SNX14: variants seen among roughly 807,000 people sequenced by gnomAD.
SNX14 encodes sorting nexin 14, also known as sorting nexin-14.
A neutral mutation model predicts 133.8 loss-of-function variants in SNX14; 93 were observed. The observed-to-expected ratio is 0.70, with a 90% CI of 0.59 to 0.83. The LOEUF is 0.83. SNX14 is among the 40% of genes least tolerant of loss of function. The pLI is 0.00. For synonymous variants in SNX14, 368 were observed against 365.6 expected (o/e 1.01, Z -0.07); for missense variants, 945 against 1,094.9 (o/e 0.86, Z 1.93).
chr6:85,557,010 T>C (rs1176098758), intron 7 of SNX14, among the ~76,000 whole-genome samples: 2 of 152,146 alleles, frequency 1.3e-5, no homozygotes, highest in Non-Finnish European at 2.9e-5. Flanking sequence ...ATTTGGAACA[T>C]GATAGGTTAA....
intron 1 of SNX14, among the ~76,000 whole-genome samples, chr6:85,585,050 C>G (rs1370687700): frequency 6.6e-6 from 1 of 152,142 alleles, no homozygotes; most frequent in Non-Finnish European, 1.5e-5. Flanking sequence ...AAATACTAGG[C>G]AGCCATAAAA....
At chr6:85,553,693 G>T (rs1446313834) in intron 7 of SNX14, among the ~76,000 whole-genome samples, 2 of 152,088 alleles carry the variant, frequency 1.3e-5, no homozygotes, top group Non-Finnish European at 2.9e-5. Flanking sequence ...GGCTGAGGCA[G>T]GAGAATGGCG....
chr6:85,553,659 G>A (rs1219979448), intron 7 of SNX14, among the ~76,000 whole-genome samples: 2 of 152,024 alleles, frequency 1.3e-5, no homozygotes, highest in South Asian at 2.1e-4. Context: ...GATGGCAGGC[G>A]CCTGTAGTCC....
chr6:85,572,039 A>T, intron 4 of SNX14, 98 bp downstream of exon 4: 1 of 962,902 alleles, frequency 1.0e-6, no homozygotes, highest in African/African-American at 1.7e-5. Context: ...GACATGTATT[A>T]AGATGCTCCA....
rs540264411 is a variant in SNX14 at position 85,571,232 on chromosome 6, C to T, written c.417+905G>A. 1.7e-4 allele frequency among the ~76,000 whole-genome samples: 26 copies of T among 151,846 alleles called. No individual in the cohort carries two copies. The South Asian group carries it at 3.5e-3, about 21-fold the overall frequency. ...AAAATTAGGCGGGCGTGGTGGTGCA[C>T]GCCTGCAGTCCCAGCTACTCGGGAG... On this transcript the variant is annotated intron_variant, in intron 4 of 28. Coordinates refer to ENST00000314673, the MANE Select transcript of SNX14 (RefSeq NM_153816.6).
At chr6:85,537,074 G>T in intron 16 of SNX14, 150 bp from the exon 17 acceptor site, 1 of 675,590 alleles carries the variant, frequency 1.5e-6, no homozygotes. Context: ...TTCATACACG[G>T]ATTAAGTATC....
chr6:85,510,266 G>A (rs530008743), intron 26 of SNX14, among the ~76,000 whole-genome samples: 16 of 152,290 alleles, frequency 1.1e-4, no homozygotes, highest in Admixed American at 6.5e-4. Context: ...AGCAATGAAT[G>A]AGAATTCCAC....
At chr6:85,522,867 T>C (rs1777333060) in intron 21 of SNX14, among the ~76,000 whole-genome samples, 1 of 152,172 alleles carries the variant, frequency 6.6e-6, no homozygotes, top group Non-Finnish European at 1.5e-5. Context: ...CTTTCATGCC[T>C]CTTGTACATG....
intron 7 of SNX14, among the ~76,000 whole-genome samples, chr6:85,553,786 C>CA (rs34112686): frequency 0.53 from 72,156 of 136,254 alleles, 18,500 homozygotes; most frequent in Middle Eastern, 0.64. Context: ...ACTCCGTCTC[C>CA]AAAAAAAAAA....
At chr6:85,530,153 T>C (rs201151375) in intron 19 of SNX14, 39 bp downstream of exon 19, 6 of 1,268,572 alleles carry the variant, frequency 4.7e-6, no homozygotes, top group East Asian at 4.7e-5. Context: ...AGAATGCTAA[T>C]GCTGAAATGT....
intron 12 of SNX14, 146 bp downstream of exon 12, chr6:85,546,965 CA>C (rs375373506): frequency 0.17 from 67,327 of 388,576 alleles, 1 homozygote; most frequent in East Asian, 0.2. Flanking sequence ...CCGCCTCAAA[CA>C]AAAAAAAAAA....
chr6:85,589,088 ATCTT>A (rs1801975810), intron 1 of SNX14: 1 of 294,190 alleles, frequency 3.4e-6, no homozygotes, highest in African/African-American at 2.2e-5. Context: ...TATAGTACTG[ATCTT>A]TCTTCTACCA....
chr6:85,518,303 C>A (rs1222651298), intron 21 of SNX14, among the ~76,000 whole-genome samples: 1 of 151,902 alleles, frequency 6.6e-6, no homozygotes, highest in African/African-American at 2.4e-5. Flanking sequence ...TGGAACAAGC[C>A]AAGGGTTGAT....
At chr6:85,517,657 C>A in intron 23 of SNX14, 99 bp downstream of exon 23, 1 of 1,331,560 alleles carries the variant, frequency 7.5e-7, no homozygotes, top group East Asian at 2.4e-5. Flanking sequence ...ATAGCTCAAT[C>A]CATTTCATTA....
In SNX14 at chr6:85,515,262, CAAAAAAAA is replaced by C. The variant is rs751549621; in HGVS notation, c.2269-641_2269-634del. ...AGCCTGGGTGACAGAGCAAGACCGT[CAAAAAAAA>C]AAAAAAAAAAAAAAAAACACTAACA... On this transcript the variant is annotated intron_variant, in intron 23 of 28. Transcript: ENST00000314673. Among the ~76,000 whole-genome samples the C allele has an allele frequency of 1.8e-4, 4 of 22,770 alleles. No individual in the cohort carries two copies. The East Asian group carries it at 6.1e-3, about 35-fold the overall frequency. The allele number at this position is 22,770 out of a possible 152,430, so 14.9% of individuals were successfully genotyped here. A position where few individuals can be genotyped will look rare whatever the true frequency, so the allele number is the denominator to read the frequency against.
chr6:85,554,866 C>T (rs1258750354), intron 7 of SNX14, among the ~76,000 whole-genome samples: 1 of 152,014 alleles, frequency 6.6e-6, no homozygotes, highest in East Asian at 1.9e-4. Context: ...GTTGCCCAGG[C>T]TGGAGTGTAA....
chr6:85,580,493 A>G (rs931344600), intron 1 of SNX14, among the ~76,000 whole-genome samples: 2 of 152,156 alleles, frequency 1.3e-5, no homozygotes, highest in African/African-American at 4.8e-5. Context: ...CTTACAGCTC[A>G]GGTACCGGCT....
chr6:85,549,837 T>C lies in SNX14; in HGVS notation c.677A>G (p.Tyr226Cys), dbSNP rs142300625. Reference sequence around the variant, plus strand: ...CAAAGCAACATGAAGCTCTGGACCATATTCTTCTAAAGCAGCTTGCTGTAA... The same window carrying C: ...CAAAGCAACATGAAGCTCTGGACCACATTCTTCTAAAGCAGCTTGCTGTAA... The part of the protein sequence containing the change: ...EFLQQAALEE[Y>C]GPELHVALRS... The change falls in exon 8 of 29, where the codon TAT becomes TGT. Residue 226 changes from tyrosine to cysteine, a missense_variant. Physicochemically the swap from Tyr to Cys is radical, Grantham distance 194. This residue lies in a region of SNX14 where 514 missense variants were observed against 538.8 expected (regional missense o/e 0.95). Coordinates refer to ENST00000314673, the MANE Select transcript of SNX14 (RefSeq NM_153816.6). 14 of 1,613,570 alleles carry C rather than the reference T, an allele frequency of 8.7e-6. No individual in the cohort carries two copies. In the African/African-American group the frequency reaches 1.2e-4, roughly 14 times the overall value.
chr6:85,560,962 A>T (rs1388591274), intron 6 of SNX14, among the ~76,000 whole-genome samples: 3 of 147,682 alleles, frequency 2.0e-5, no homozygotes, highest in Non-Finnish European at 4.5e-5. Context: ...TGAACCTGGG[A>T]GGTGGAGATT....
Sources: allele counts gnomAD v4.1 joint callset (sites outside exome capture counted in the v4.1 genomes callset), GRCh38; gene constraint gnomAD v4.1.1; regional missense constraint gnomAD v4.1.1; transcripts MANE v1.5; gene names NCBI Gene and HGNC (gene_info 2026-07-23, HGNC 2026-07-21).